Variants in RNMT observed in about 807,000 individuals in gnomAD.
The protein encoded by RNMT is RNA guanine-7 methyltransferase, also known as mRNA cap guanine-N(7) methyltransferase.
Under a neutral mutation model 56.0 loss-of-function variants are expected in RNMT, and 27 were observed. That is an observed-to-expected ratio of 0.48 (90% confidence interval 0.36 to 0.67). The LOEUF (loss-of-function observed/expected upper bound fraction) is 0.67. Ranked by LOEUF, RNMT falls within the 30% of genes least tolerant of loss-of-function variation. The probability of loss-of-function intolerance (pLI) is 0.00; values close to 1 mark genes in which losing one functional copy is unlikely to be tolerated. For missense variants in RNMT, 519 were observed against 552.1 expected, an observed-to-expected ratio of 0.94 and a Z score of 0.60; for synonymous variants, 184 against 176.2, an observed-to-expected ratio of 1.04 and a Z score of -0.35.
In RNMT at chr18:13,741,616, T is replaced by G; in HGVS notation, c.899T>G (p.Met300Arg). The stretch of plus-strand genomic sequence containing the variant: ...GAGTCTTATGAGCAGGCTGACATGA[T>G]GCTGAGAAATGCGTGTGAGAGACTT... ...SFESYEQADM[M>R]LRNACERLSP... The change falls in exon 7 of 12, where the codon ATG becomes AGG. Residue 300 changes from methionine to arginine, a missense_variant. Physicochemically the swap from Met to Arg is moderately conservative, Grantham distance 91. Transcript: ENST00000383314. 6.2e-7 allele frequency: 1 copy of G among 1,614,052 alleles called. No homozygotes were observed. The highest frequency in any genetic ancestry group is 8.5e-7 in the Non-Finnish European group (1 of 1,179,904).
intron 11 of RNMT, among the ~76,000 whole-genome samples, chr18:13,758,314 C>G (rs1218559794): frequency 1.3e-5 from 2 of 152,144 alleles, no homozygotes; most frequent in Non-Finnish European, 2.9e-5. Context: ...TATGAAAGTC[C>G]TAGATGGCAT....
intron 9 of RNMT, among the ~76,000 whole-genome samples, chr18:13,751,957 G>A (rs549155916): frequency 2.2e-4 from 34 of 152,002 alleles, no homozygotes; most frequent in African/African-American, 7.7e-4. Flanking sequence ...ATCACACACC[G>A]GGGGGCCTGT....
Position 13,762,870 on chromosome 18 carries a change from G to A in RNMT, c.*2891G>A, listed in dbSNP as rs2149112796. 1 of 313,146 alleles carries A rather than the reference G, an allele frequency of 3.2e-6. No individual in the cohort carries two copies. 19.4% of individuals were successfully genotyped at this position (313,146 alleles called of 1,614,324 possible). On this transcript the variant is annotated 3_prime_UTR_variant, in exon 12 of 12. Coordinates refer to ENST00000383314, the MANE Select transcript of RNMT (RefSeq NM_003799.3). Reference sequence around the variant, plus strand: ...ACTCTTCAAGTATCTTTGTAATGAAGGTTTGGCTACTTGTATAGGTCTGCC... The same window carrying A: ...ACTCTTCAAGTATCTTTGTAATGAAAGTTTGGCTACTTGTATAGGTCTGCC...
At chr18:13,738,473 C>T (rs2044201414) in intron 5 of RNMT, among the ~76,000 whole-genome samples, 1 of 152,038 alleles carries the variant, frequency 6.6e-6, no homozygotes, top group Non-Finnish European at 1.5e-5. Context: ...TGTAGATATT[C>T]CTCTGTTACT....
intron 1 of RNMT, among the ~76,000 whole-genome samples, chr18:13,730,080 G>A (rs772496591): frequency 2.6e-5 from 4 of 152,198 alleles, no homozygotes; most frequent in African/African-American, 4.8e-5. Flanking sequence ...GTGAGCCACT[G>A]TGCCCAGCGA....
intron 8 of RNMT, among the ~76,000 whole-genome samples, chr18:13,744,317 GC>G (rs2044316027): frequency 2.6e-5 from 4 of 151,700 alleles, no homozygotes; most frequent in Admixed American, 2.6e-4. Context: ...ATGCCTTTTT[GC>G]CATTTCATTA....
chr18:13,745,588 A>G (rs2149096568), intron 8 of RNMT, among the ~76,000 whole-genome samples: 1 of 152,332 alleles, frequency 6.6e-6, no homozygotes, highest in East Asian at 1.9e-4. Flanking sequence ...GTGGGACGTT[A>G]GAGAGTGCCA....
Position 13,741,674 on chromosome 18 carries a change from C to A in RNMT, c.957C>A (p.Pro319=). 1 of 1,606,756 alleles carries A rather than the reference C, an allele frequency of 6.2e-7. No individual in the cohort carries two copies. Among genetic ancestry groups the A allele is most frequent in the Non-Finnish European group, 8.5e-7 (1 of 1,176,646 alleles). ...SPGGYFIGTT[P]NSFELIRRLE... is the part of the protein sequence containing the mutation. Reference sequence around the variant, plus strand: ...GGGGCTATTTTATTGGTACTACTCCCAATAGCTTTGAATTGATGTAAGTAC... The same window carrying A: ...GGGGCTATTTTATTGGTACTACTCCAAATAGCTTTGAATTGATGTAAGTAC... The change falls in exon 7 of 12, where the codon CCC becomes CCA. Residue 319 remains proline (P), a synonymous_variant. Transcript: ENST00000383314.
intron 5 of RNMT, among the ~76,000 whole-genome samples, 177 bp from the exon 6 acceptor site, chr18:13,739,990 T>C (rs988800083): frequency 6.6e-6 from 1 of 151,980 alleles, no homozygotes; most frequent in African/African-American, 2.4e-5. Flanking sequence ...TAGTTCCTCT[T>C]GAAAACTGAT....
chr18:13,760,456 G>A lies in RNMT; in HGVS notation c.*477G>A. 1.0e-6 allele frequency: 1 copy of A among 985,604 alleles called. No individual in the cohort carries two copies. The highest frequency in any genetic ancestry group is 1.2e-6 in the Non-Finnish European group (1 of 829,694). 61.1% of individuals were successfully genotyped at this position (985,604 alleles called of 1,614,324 possible). Reference sequence around the variant, plus strand: ...ACAGTTGAATGTAAGTGTTCAATATGTATTGCTGAAGTTATAAGTTTAAAA... The same window carrying A: ...ACAGTTGAATGTAAGTGTTCAATATATATTGCTGAAGTTATAAGTTTAAAA... On this transcript the variant is annotated 3_prime_UTR_variant, in exon 12 of 12. Transcript: ENST00000383314.
intron 10 of RNMT, among the ~76,000 whole-genome samples, chr18:13,753,327 T>G (rs2044482837): frequency 6.6e-6 from 1 of 151,940 alleles, no homozygotes; most frequent in African/African-American, 2.4e-5. Flanking sequence ...TAGCTGGACG[T>G]GGTGACGGGC....
intron 9 of RNMT, among the ~76,000 whole-genome samples, chr18:13,747,650 C>A (rs2044374996): frequency 6.6e-6 from 1 of 152,152 alleles, no homozygotes; most frequent in Non-Finnish European, 1.5e-5. Context: ...TGAAGTTGCA[C>A]CTGCACCCAG....
chr18:13,738,183 T>G (rs1384251560), intron 5 of RNMT, among the ~76,000 whole-genome samples: 1 of 152,166 alleles, frequency 6.6e-6, no homozygotes, highest in Non-Finnish European at 1.5e-5. Context: ...TACTTAAAAA[T>G]TATTGAGGAC....
intron 11 of RNMT, among the ~76,000 whole-genome samples, 162 bp downstream of exon 11, chr18:13,754,309 C>T (rs73418739): frequency 0.014 from 2,170 of 152,108 alleles, 56 homozygotes; most frequent in African/African-American, 0.046. Context: ...GAGTTGAGAC[C>T]GGTCTGGGCA....
chr18:13,752,465 A>C (rs1286742328), intron 10 of RNMT, 38 bp downstream of exon 10: 1 of 1,293,352 alleles, frequency 7.7e-7, no homozygotes, highest in South Asian at 1.2e-5. Context: ...ATAGAGAATG[A>C]AAAAAAGAAC....
rs201592442 is a variant in RNMT, at chr18:13,731,627, C to T, written c.110C>T (p.Thr37Ile). Reference sequence around the variant, plus strand: ...TCATTCAATATTAATGAAAACACAACAGCTTCTGGGACTGGGCTTTCTGAA... The same window carrying T: ...TCATTCAATATTAATGAAAACACAATAGCTTCTGGGACTGGGCTTTCTGAA... ...ESSFNINENT[T>I]ASGTGLSEKT... Residue 37 changes from threonine (T) to isoleucine (I), a missense_variant, in exon 3 of 12, where the codon ACA becomes ATA. Physicochemically the swap from Thr to Ile is moderately conservative, Grantham distance 89. Transcript: ENST00000383314. 433 of 1,614,062 alleles carry T rather than the reference C, an allele frequency of 2.7e-4. 3 individuals are homozygous for T. The highest frequency in any genetic ancestry group is 7.5e-5 in the Non-Finnish European group (88 of 1,179,988).
intron 11 of RNMT, 91 bp from the exon 12 acceptor site, chr18:13,759,851 C>T (rs1030571913): frequency 1.3e-5 from 15 of 1,131,482 alleles, no homozygotes; most frequent in South Asian, 9.4e-5. Flanking sequence ...GCTTGAGAGC[C>T]TAAGAATTTT....
rs1258936315 is a variant in RNMT, at chr18:13,738,011, C to G, written c.679+876C>G. On this transcript the variant is annotated intron_variant, in intron 5 of 11. Coordinates refer to ENST00000383314, the MANE Select transcript of RNMT (RefSeq NM_003799.3). ...GTCGATAGTAACGCAATGAATCAAT[C>G]AATCAATCACCTTAGCCCGGTGGTT... Among the ~76,000 whole-genome samples, 16 of 151,682 alleles carry G rather than the reference C, an allele frequency of 1.1e-4. No individual in the cohort carries two copies. The East Asian group carries it at 2.9e-3, about 28-fold the overall frequency.
intron 8 of RNMT, among the ~76,000 whole-genome samples, chr18:13,743,445 A>G (rs1333505816): frequency 2.0e-5 from 3 of 152,154 alleles, no homozygotes; most frequent in Non-Finnish European, 2.9e-5. Context: ...GAAATTGCCT[A>G]TGTCTCACAG....
Sources: gnomAD v4.1 joint callset for allele counts (sites outside exome capture counted in the v4.1 genomes callset) on GRCh38, gnomAD v4.1.1 for gene constraint, MANE v1.5 for transcripts, NCBI Gene and HGNC (gene_info 2026-07-23, HGNC 2026-07-21) for gene names.